Variants in NBEA observed in about 807,000 individuals in gnomAD.
NBEA encodes the protein neurobeachin.
NBEA carries 44 observed loss-of-function variants against 343.4 expected under a neutral mutation model. The observed-to-expected ratio is 0.13, with a 90% CI of 0.10 to 0.16. The LOEUF is 0.16. NBEA is among the 10% of genes least tolerant of loss of function. The pLI, the probability that NBEA is intolerant of heterozygous loss-of-function variation, is 1.00. For missense variants in NBEA, 2,555 were observed against 3,631.3 expected, an observed-to-expected ratio of 0.70 and a Z score of 7.62; for synonymous variants, 1,175 against 1,238.7, an observed-to-expected ratio of 0.95 and a Z score of 1.08.
intron 38 of NBEA, among the ~76,000 whole-genome samples, chr13:35,376,056 T>G (rs540002065): frequency 6.6e-6 from 1 of 152,232 alleles, no homozygotes; most frequent in African/African-American, 2.4e-5. Context: ...TTATTATTAT[T>G]ATTCTTTACT....
chr13:35,335,006 T>C (rs940679511), intron 36 of NBEA, among the ~76,000 whole-genome samples: 1 of 152,162 alleles, frequency 6.6e-6, no homozygotes, highest in Non-Finnish European at 1.5e-5. Flanking sequence ...TTTAAATCTT[T>C]AATCCATTTT....
At chr13:35,493,091 A>G (rs2076555920) in intron 41 of NBEA, among the ~76,000 whole-genome samples, 1 of 151,974 alleles carries the variant, frequency 6.6e-6, no homozygotes, top group East Asian at 1.9e-4. Flanking sequence ...TGAATTCTCT[A>G]AAAGTGATTA....
At chr13:34,975,219 A>C (rs2060124210) in intron 1 of NBEA, among the ~76,000 whole-genome samples, 1 of 152,204 alleles carries the variant, frequency 6.6e-6, no homozygotes, top group Non-Finnish European at 1.5e-5. Context: ...AAACTATATT[A>C]TAAGGCCTTA....
intron 36 of NBEA, among the ~76,000 whole-genome samples, chr13:35,340,873 T>C (rs571463141): frequency 1.7e-4 from 23 of 137,596 alleles, no homozygotes; most frequent in Non-Finnish European, 3.4e-4. Context: ...ATTTTAGCTG[T>C]CTTTTTTCAG....
chr13:35,324,944 T>A (rs2031944), intron 36 of NBEA, among the ~76,000 whole-genome samples: 126,725 of 152,044 alleles, frequency 0.83, 53,025 homozygotes, highest in South Asian at 0.94. Flanking sequence ...AAAATACCTT[T>A]TGAGTTTCAT....
At chr13:35,284,662 T>G (rs893046829) in intron 34 of NBEA, among the ~76,000 whole-genome samples, 3 of 152,292 alleles carry the variant, frequency 2.0e-5, no homozygotes, top group South Asian at 2.1e-4. Flanking sequence ...ATGTCTATTT[T>G]TGTTTGTTTT....
Position 35,645,903 on chromosome 13 carries a change from C to A in NBEA, c.7652C>A (p.Thr2551Asn). ...PEAYFIRDPH[T>N]FLLTKDFIKA... The stretch of plus-strand genomic sequence containing the variant: ...GCTTATTTCATTAGAGACCCCCACA[C>A]TTTCCTTCTTACAAAGGACTTTATT... Residue 2551 changes from threonine to asparagine, a missense_variant, in exon 50 of 59, where the codon ACT (threonine) becomes AAT (asparagine). Thr to Asn is a moderately conservative substitution (Grantham distance 65). Transcript: ENST00000379939. 1 of 1,577,360 alleles carries A rather than the reference C, an allele frequency of 6.3e-7. No individual in the cohort carries two copies. Among genetic ancestry groups the A allele is most frequent in the Non-Finnish European group, 8.6e-7 (1 of 1,158,098 alleles).
chr13:35,146,292 G>T (rs183645709), intron 18 of NBEA, among the ~76,000 whole-genome samples: 49 of 152,094 alleles, frequency 3.2e-4, no homozygotes, highest in Non-Finnish European at 5.4e-4. Context: ...TTTTGATTTT[G>T]GAGTGTCATC....
At chr13:35,043,561 T>C (rs2062732925) in intron 2 of NBEA, among the ~76,000 whole-genome samples, 1 of 151,912 alleles carries the variant, frequency 6.6e-6, no homozygotes, top group African/African-American at 2.4e-5. Context: ...CTTTTTGACC[T>C]ATATGTACTA....
At chr13:35,220,303 T>C (rs1032673337) in intron 33 of NBEA, among the ~76,000 whole-genome samples, 1 of 152,196 alleles carries the variant, frequency 6.6e-6, no homozygotes, top group African/African-American at 2.4e-5. Context: ...CATTTTTTGT[T>C]GCTCATCATT....
chr13:35,566,426 G>A (rs193163679), intron 44 of NBEA, among the ~76,000 whole-genome samples: 1 of 152,244 alleles, frequency 6.6e-6, no homozygotes, highest in Non-Finnish European at 1.5e-5. Context: ...AGATGTGCAG[G>A]TCAGTGGGGT....
At chr13:35,338,546 A>T (rs1357851451) in intron 36 of NBEA, among the ~76,000 whole-genome samples, 1 of 152,070 alleles carries the variant, frequency 6.6e-6, no homozygotes, top group African/African-American at 2.4e-5. Context: ...ACGAAAGAGA[A>T]TCAACAGCAG....
At chr13:35,452,037 C>T in intron 39 of NBEA, 55 bp from the exon 40 acceptor site, 1 of 1,278,574 alleles carries the variant, frequency 7.8e-7, no homozygotes, top group Non-Finnish European at 1.1e-6. Context: ...ATAATACCTA[C>T]TATAAGCAGA....
chr13:35,042,457 C>G (rs965962993), intron 2 of NBEA, among the ~76,000 whole-genome samples: 3 of 151,666 alleles, frequency 2.0e-5, no homozygotes, highest in African/African-American at 4.8e-5. Context: ...ATTCTTACAT[C>G]TGAGCTTAAG....
At chr13:35,528,561 G>A (rs1441976444) in intron 41 of NBEA, among the ~76,000 whole-genome samples, 2 of 152,126 alleles carry the variant, frequency 1.3e-5, no homozygotes, top group Non-Finnish European at 2.9e-5. Flanking sequence ...GTTTGCAAAA[G>A]GAAATTTGTT....
At chr13:35,392,142 G>A (rs2042532860) in intron 38 of NBEA, among the ~76,000 whole-genome samples, 1 of 152,016 alleles carries the variant, frequency 6.6e-6, no homozygotes, top group Non-Finnish European at 1.5e-5. Flanking sequence ...TATTTTGTAT[G>A]CAATATTTTT....
intron 36 of NBEA, 72 bp from the exon 37 acceptor site, chr13:35,349,036 C>A (rs1357083326): frequency 1.7e-6 from 1 of 593,472 alleles, no homozygotes; most frequent in Non-Finnish European, 2.7e-6. Context: ...GTACTGAAAT[C>A]TGATTATTGA....
intron 34 of NBEA, among the ~76,000 whole-genome samples, chr13:35,270,067 G>C (rs74048970): frequency 0.042 from 6,437 of 152,138 alleles, 155 homozygotes; most frequent in South Asian, 0.078. Flanking sequence ...GACTTGACCT[G>C]ATGTTCTGAG....
intron 1 of NBEA, among the ~76,000 whole-genome samples, chr13:34,992,028 A>G (rs75297403): frequency 0.037 from 5,411 of 146,492 alleles, 337 homozygotes; most frequent in African/African-American, 0.13. Context: ...TTGTTTTTCT[A>G]TATGTAATAT....
Sources: allele counts gnomAD v4.1 joint callset (sites outside exome capture counted in the v4.1 genomes callset), GRCh38; gene constraint gnomAD v4.1.1; transcripts MANE v1.5; gene names NCBI Gene and HGNC (gene_info 2026-07-23, HGNC 2026-07-21).